Variants in PDZRN4 observed in about 807,000 individuals in gnomAD.
PDZRN4 encodes PDZ domain containing ring finger 4.
A neutral mutation model predicts 99.0 loss-of-function variants in PDZRN4; 70 were observed. The ratio of observed to expected loss-of-function variants is 0.71; its 90% CI spans 0.58 to 0.86. The LOEUF (loss-of-function observed/expected upper bound fraction) is 0.86. Ranked by LOEUF, PDZRN4 falls within the 40% of genes least tolerant of loss-of-function variation. The pLI, the probability that PDZRN4 is intolerant of heterozygous loss-of-function variation, is 0.00. For synonymous variants in PDZRN4, 551 were observed against 501.6 expected (o/e 1.10, Z -1.32); for missense variants, 1,474 against 1,331.2 (o/e 1.11, Z -1.67).
chr12:41,454,655 A>G (rs1031294856), intron 3 of PDZRN4, among the ~76,000 whole-genome samples: 2 of 152,206 alleles, frequency 1.3e-5, no homozygotes, highest in African/African-American at 4.8e-5. Flanking sequence ...GAGATATTCT[A>G]GGACTTTGAC....
At chr12:41,291,629 G>A (rs1361922837) in intron 3 of PDZRN4, among the ~76,000 whole-genome samples, 1 of 152,104 alleles carries the variant, frequency 6.6e-6, no homozygotes, top group Admixed American at 6.6e-5. Context: ...ATACACTATA[G>A]ACAGGTAATG....
At position 41,322,663 on chromosome 12, in the gene PDZRN4, G is replaced by GT. The variant is rs1221734448; in HGVS notation, c.843+128481dup. 1.6e-4 allele frequency among the ~76,000 whole-genome samples: 24 copies of GT among 151,088 alleles called. No individual in the cohort carries two copies. In the East Asian group the frequency reaches 2.0e-3, roughly 12 times the overall value. ...CCACCACCACGCCCGGCTAATTATT[G>GT]TTTTTTGTATTTTTAGTAGAGACAG... On this transcript the variant is annotated intron_variant, in intron 3 of 9. Transcript: ENST00000402685.
intron 3 of PDZRN4, among the ~76,000 whole-genome samples, chr12:41,361,515 T>C (rs1951963273): frequency 6.6e-6 from 1 of 152,060 alleles, no homozygotes; most frequent in Non-Finnish European, 1.5e-5. Context: ...ATTTTATTAG[T>C]GTGGTTGAAC....
chr12:41,511,480 G>A, intron 5 of PDZRN4, among the ~76,000 whole-genome samples: 1 of 152,140 alleles, frequency 6.6e-6, no homozygotes, highest in South Asian at 2.1e-4. Flanking sequence ...TCATTAATTT[G>A]CTGTCAGCTG....
At chr12:41,384,840 A>T (rs1037679152) in intron 3 of PDZRN4, among the ~76,000 whole-genome samples, 1 of 152,094 alleles carries the variant, frequency 6.6e-6, no homozygotes, top group Admixed American at 6.6e-5. Context: ...GCAATGCCCA[A>T]CTCCAGGGGC....
intron 5 of PDZRN4, among the ~76,000 whole-genome samples, chr12:41,517,264 G>T (rs991591775): frequency 6.6e-6 from 1 of 151,996 alleles, no homozygotes; most frequent in Admixed American, 6.6e-5. Context: ...CAGGGATCTA[G>T]ATATAAAATA....
intron 3 of PDZRN4, among the ~76,000 whole-genome samples, chr12:41,486,864 A>G (rs1937785080): frequency 6.6e-6 from 1 of 151,956 alleles, no homozygotes; most frequent in African/African-American, 2.4e-5. Flanking sequence ...GGGTACACAA[A>G]TGTGTCAGGA....
chr12:41,258,954 T>C (rs117065627), intron 3 of PDZRN4, among the ~76,000 whole-genome samples: 1,758 of 152,148 alleles, frequency 0.012, 54 homozygotes, highest in East Asian at 0.11. Flanking sequence ...AAGACACTAG[T>C]AAGTAGTACA....
chr12:41,275,874 A>T (rs1591993811), intron 3 of PDZRN4, among the ~76,000 whole-genome samples: 1 of 152,286 alleles, frequency 6.6e-6, no homozygotes, highest in East Asian at 1.9e-4. Context: ...ATTTAGAGAA[A>T]ATGTACAGGC....
At chr12:41,561,600 A>G (rs917050081) in intron 7 of PDZRN4, among the ~76,000 whole-genome samples, 1 of 126,342 alleles carries the variant, frequency 7.9e-6, no homozygotes, top group South Asian at 2.4e-4. Context: ...TAAGTTATAT[A>G]TATAAAGACT....
At chr12:41,513,575 A>G (rs1938345481) in intron 5 of PDZRN4, among the ~76,000 whole-genome samples, 1 of 152,080 alleles carries the variant, frequency 6.6e-6, no homozygotes, top group Non-Finnish European at 1.5e-5. Flanking sequence ...AGGGTGTTCC[A>G]TGCCACTGGA....
chr12:41,260,365 CT>C (rs1951229063), intron 3 of PDZRN4, among the ~76,000 whole-genome samples: 1 of 152,006 alleles, frequency 6.6e-6, no homozygotes, highest in South Asian at 2.1e-4. Context: ...GAAGTGCCAT[CT>C]TTTGTGGGTG....
chr12:41,221,810 G>T (rs979430346), intron 3 of PDZRN4, among the ~76,000 whole-genome samples: 2 of 152,104 alleles, frequency 1.3e-5, no homozygotes, highest in Non-Finnish European at 2.9e-5. Context: ...CAACGGACAA[G>T]AAAGGAGAGA....
chr12:41,432,004 G>A (rs1952589922), intron 3 of PDZRN4, among the ~76,000 whole-genome samples: 1 of 152,166 alleles, frequency 6.6e-6, no homozygotes, highest in Non-Finnish European at 1.5e-5. Context: ...TATTAATAAA[G>A]GACAATATCT....
intron 3 of PDZRN4, among the ~76,000 whole-genome samples, chr12:41,386,124 T>C (rs569292069): frequency 6.6e-6 from 1 of 152,314 alleles, no homozygotes; most frequent in East Asian, 1.9e-4. Flanking sequence ...TCTATTCATG[T>C]TAGAAATTCT....
intron 3 of PDZRN4, among the ~76,000 whole-genome samples, chr12:41,200,183 G>A (rs1591964943): frequency 6.6e-6 from 1 of 152,102 alleles, no homozygotes; most frequent in Non-Finnish European, 1.5e-5. Context: ...GATGGAGGCA[G>A]CCTCATAGCT....
intron 3 of PDZRN4, among the ~76,000 whole-genome samples, chr12:41,446,107 G>A (rs1456531632): frequency 2.0e-5 from 3 of 151,952 alleles, no homozygotes; most frequent in Admixed American, 6.6e-5. Flanking sequence ...CCTGTATTTC[G>A]ACATGTAACA....
At chr12:41,485,867 C>T (rs1937764184) in intron 3 of PDZRN4, among the ~76,000 whole-genome samples, 1 of 152,038 alleles carries the variant, frequency 6.6e-6, no homozygotes, top group Non-Finnish European at 1.5e-5. Flanking sequence ...TCTCAAAAAA[C>T]AATTTAACCA....
At chr12:41,353,659 T>C (rs1951907052) in intron 3 of PDZRN4, among the ~76,000 whole-genome samples, 1 of 152,014 alleles carries the variant, frequency 6.6e-6, no homozygotes, top group Non-Finnish European at 1.5e-5. Context: ...GTGGCAGTGG[T>C]GGAGGCAGAA....
Sources: gnomAD v4.1 joint callset for allele counts (sites outside exome capture counted in the v4.1 genomes callset) on GRCh38, gnomAD v4.1.1 for gene constraint, MANE v1.5 for transcripts, NCBI Gene and HGNC (gene_info 2026-07-23, HGNC 2026-07-21) for gene names.